The following SEC24D variants were observed in gnomAD, a reference collection of about 807,000 sequenced individuals.
SEC24D encodes SEC24 homolog D, COPII component.
A neutral mutation model predicts 116.9 loss-of-function variants in SEC24D; 69 were observed. The ratio of observed to expected loss-of-function variants is 0.59; its 90% CI spans 0.49 to 0.72. The LOEUF is 0.72. Ranked by LOEUF, SEC24D falls within the 30% of genes least tolerant of loss-of-function variation. The probability of loss-of-function intolerance (pLI) is 0.00; values close to 1 mark genes in which losing one functional copy is unlikely to be tolerated. For missense variants in SEC24D, 1,131 were observed against 1,264.1 expected (o/e 0.89, Z 1.60); for synonymous variants, 405 against 442.8 (o/e 0.91, Z 1.07).
Position 118,824,764 on chromosome 4 carries a change from C to T in SEC24D, c.119-15G>A. On this transcript the variant is annotated splice_polypyrimidine_tract_variant and intron_variant, in intron 2 of 22. Transcript: ENST00000280551. ...CTTCATCATACCTGCAAGAGAGGGG[C>T]ATGAATTTAGAAGTGTATTAAAGTA... 1 of 1,567,280 alleles carries T rather than the reference C, an allele frequency of 6.4e-7. No individual in the cohort carries two copies.
At chr4:118,797,185 C>T (rs530285225) in intron 8 of SEC24D, among the ~76,000 whole-genome samples, 2 of 152,258 alleles carry the variant, frequency 1.3e-5, no homozygotes, top group East Asian at 3.9e-4. Flanking sequence ...ATGTTGAGCA[C>T]ATATTTTCAA....
intron 17 of SEC24D, 91 bp from the exon 18 acceptor site, chr4:118,739,378 T>C: frequency 8.5e-7 from 1 of 1,176,716 alleles, no homozygotes; most frequent in South Asian, 1.7e-5. Context: ...AAACACTGTG[T>C]ACAGATAGAT....
intron 7 of SEC24D, among the ~76,000 whole-genome samples, chr4:118,800,787 G>C (rs1007636564): frequency 1.3e-5 from 2 of 152,170 alleles, no homozygotes; most frequent in Non-Finnish European, 2.9e-5. Flanking sequence ...GACACCGGGA[G>C]GTTATGCGAC....
At position 118,757,907 on chromosome 4, in the gene SEC24D, A is replaced by T. The variant is rs1466766155; in HGVS notation, c.1297-62T>A. 2.2e-6 allele frequency: 3 copies of T among 1,358,486 alleles called. No homozygotes were observed. In the African/African-American group the frequency reaches 4.5e-5, roughly 20 times the overall value. The allele number at this position is 1,358,486 out of a possible 1,614,324, so 84.2% of individuals were successfully genotyped here. ...ATACATTGCATAATCAAATGTCAAT[A>T]CTCATTAGAAACTCTTGAAAGTCAT... On this transcript the variant is annotated intron_variant, in intron 10 of 22. Coordinates refer to ENST00000280551, the MANE Select transcript of SEC24D (RefSeq NM_014822.4).
At chr4:118,762,194 T>C (rs1560653849) in intron 10 of SEC24D, among the ~76,000 whole-genome samples, 1 of 152,112 alleles carries the variant, frequency 6.6e-6, no homozygotes, top group Non-Finnish European at 1.5e-5. Flanking sequence ...TGATAAACTC[T>C]CAGTTATATG....
intron 8 of SEC24D, among the ~76,000 whole-genome samples, chr4:118,791,525 A>ACTCCCTC (rs917253189): frequency 1.3e-5 from 2 of 151,512 alleles, no homozygotes; most frequent in African/African-American, 2.4e-5. Context: ...CCTACTCCCT[A>ACTCCCTC]CTCCCTCCTC....
At chr4:118,810,687 G>A (rs1241778608) in intron 6 of SEC24D, among the ~76,000 whole-genome samples, 1 of 152,212 alleles carries the variant, frequency 6.6e-6, no homozygotes, top group African/African-American at 2.4e-5. Context: ...CTGAGAACAT[G>A]AATTTTTAAT....
Position 118,752,702 on chromosome 4 carries a change from A to C in SEC24D, c.1608T>G (p.Ile536Met). The C allele has an allele frequency of 1.3e-6, 2 of 1,595,806 alleles. No homozygotes were observed. The highest frequency in any genetic ancestry group is 1.7e-6 in the Non-Finnish European group (2 of 1,172,516). Residue 536 changes from isoleucine (I) to methionine (M), a missense_variant, in exon 12 of 23, where the codon ATT becomes ATG. Ile to Met is a conservative substitution (Grantham distance 10). Coordinates refer to ENST00000280551, the MANE Select transcript of SEC24D (RefSeq NM_014822.4). ...LVNYQESQSVIHNLLDQIPDM... is the reference protein window; with the variant it reads ...LVNYQESQSVMHNLLDQIPDM... ...ATAAAACACTTGATATTTACTTATG[A>C]ATCACAGATTGGGATTCTTGATAGT...
Position 118,723,488 on chromosome 4 carries a change from G to A in SEC24D, c.*27C>T. On this transcript the variant is annotated 3_prime_UTR_variant, in exon 23 of 23. Transcript: ENST00000280551. The stretch of plus-strand genomic sequence containing the variant: ...AGAAGGAGATTATCTCCTTGGAAAT[G>A]CAACATCAATGACAGAGAAGTTTCA... 6.3e-7 allele frequency: 1 copy of A among 1,594,140 alleles called. No individual in the cohort carries two copies. Among genetic ancestry groups the A allele is most frequent in the East Asian group, 2.2e-5 (1 of 44,608 alleles).
chr4:118,736,517 G>A (rs759769830), intron 19 of SEC24D: 6 of 280,642 alleles, frequency 2.1e-5, no homozygotes, highest in South Asian at 2.1e-4. Flanking sequence ...TAAAATAGTG[G>A]AATTCCTTTA....
rs140670002 is a variant in SEC24D at position 118,768,751 on chromosome 4, G to A, written c.1042-440C>T. 1.5e-3 allele frequency among the ~76,000 whole-genome samples: 232 copies of A among 151,762 alleles called. 1 individual carries two copies. Among genetic ancestry groups the A allele is most frequent in the African/African-American group, 5.4e-3 (224 of 41,518 alleles). ...GCTTTTGCCCCAGGACAGTAAAGAT[G>A]TCTTTATTGATAACACATGAATTCA... On this transcript the variant is annotated intron_variant, in intron 8 of 22. Transcript: ENST00000280551.
intron 8 of SEC24D, among the ~76,000 whole-genome samples, chr4:118,781,106 A>G (rs1280765042): frequency 1.3e-5 from 2 of 151,712 alleles, no homozygotes; most frequent in Admixed American, 1.3e-4. Flanking sequence ...TAATACTGTT[A>G]TGTGTGAATT....
At chr4:118,767,224 T>C (rs1010822280) in intron 9 of SEC24D, among the ~76,000 whole-genome samples, 5 of 152,078 alleles carry the variant, frequency 3.3e-5, no homozygotes, top group African/African-American at 4.8e-5. Context: ...GGCAGGGAAA[T>C]AAGAAGGCAA....
At chr4:118,830,551 T>G (rs1730802963) in intron 2 of SEC24D, among the ~76,000 whole-genome samples, 1 of 152,124 alleles carries the variant, frequency 6.6e-6, no homozygotes, top group African/African-American at 2.4e-5. Context: ...TATAATTAGC[T>G]CAATTTAACC....
At position 118,815,573 on chromosome 4, in the gene SEC24D, G is replaced by C; in HGVS notation, c.551C>G (p.Ser184Ter). 1 of 1,614,186 alleles carries C rather than the reference G, an allele frequency of 6.2e-7. No homozygotes were observed. The highest frequency in any genetic ancestry group is 8.5e-7 in the Non-Finnish European group (1 of 1,180,044). ...PPTTLNGPGA[S>*]PLPLPMYRPD... ...TCTGTACATTGGTAGAGGCAAAGGT[G>C]AGGCACCAGGACCATTGAGTGTGGT... The change falls in exon 5 of 23, where the codon TCA becomes TGA. Residue 184 changes from serine (S) to a stop codon, truncating the protein, a stop_gained. Transcript: ENST00000280551. LOFTEE classifies it high-confidence loss of function.
At position 118,764,846 on chromosome 4, in the gene SEC24D, A is replaced by G. The variant is rs1427309471; in HGVS notation, c.1252T>C (p.Ser418Pro). 6.2e-7 allele frequency: 1 copy of G among 1,610,754 alleles called. No individual in the cohort carries two copies. The highest frequency in any genetic ancestry group is 1.1e-5 in the South Asian group (1 of 90,992). ...RLDHYEKPEL[S>P]LGSYEYVATL... is the part of the protein sequence containing the mutation. ...GCAACATATTCATAAGATCCTAGAG[A>G]TAACTCTGGTTTCTCATAGTGGTCC... is the stretch of plus-strand genomic sequence containing the variant. The change falls in exon 10 of 23, where the codon TCT becomes CCT. Residue 418 changes from serine to proline, a missense_variant. By Grantham distance (74) the Ser-to-Pro change is moderately conservative. Transcript: ENST00000280551.
At chr4:118,826,349 A>C (rs1730591498) in intron 2 of SEC24D, among the ~76,000 whole-genome samples, 1 of 152,190 alleles carries the variant, frequency 6.6e-6, no homozygotes, top group African/African-American at 2.4e-5. Flanking sequence ...CCTAGCTCCA[A>C]GGATTGTTCT....
chr4:118,779,470 A>G (rs751545527), intron 8 of SEC24D, among the ~76,000 whole-genome samples: 2 of 152,220 alleles, frequency 1.3e-5, no homozygotes, highest in African/African-American at 4.8e-5. Context: ...AATGTGGTGG[A>G]TAAGCTTTTT....
At chr4:118,731,148 T>C in intron 21 of SEC24D, 168 bp downstream of exon 21, 1 of 634,260 alleles carries the variant, frequency 1.6e-6, no homozygotes, top group East Asian at 2.8e-5. Flanking sequence ...TACAAATAAC[T>C]TTATACCAGC....
Sources: gnomAD v4.1 joint callset for allele counts (sites outside exome capture counted in the v4.1 genomes callset) on GRCh38, gnomAD v4.1.1 for gene constraint, MANE v1.5 for transcripts, NCBI Gene and HGNC (gene_info 2026-07-23, HGNC 2026-07-21) for gene names.